GRID1: variants seen among roughly 807,000 people sequenced by gnomAD.
GRID1 encodes the protein glutamate ionotropic receptor delta type subunit 1, also known as glutamate receptor ionotropic, delta-1.
In GRID1, 28 loss-of-function variants were observed where a neutral mutation model predicts 98.0. That is an observed-to-expected ratio of 0.29 (90% CI 0.21 to 0.39). The LOEUF (loss-of-function observed/expected upper bound fraction) is 0.39, where lower values mean the gene tolerates loss of function less well. Among genes scored for constraint, GRID1 ranks in the 10% least tolerant of loss-of-function variants. The probability of loss-of-function intolerance (pLI) is 1.00; values close to 1 mark genes in which losing one functional copy is unlikely to be tolerated. For missense variants in GRID1, 1,111 were observed against 1,340.5 expected, an observed-to-expected ratio of 0.83 and a Z score of 2.67; for synonymous variants, 553 against 538.5, an observed-to-expected ratio of 1.03 and a Z score of -0.37.
At chr10:85,921,894 A>G (rs935631443) in intron 4 of GRID1, among the ~76,000 whole-genome samples, 1 of 152,198 alleles carries the variant, frequency 6.6e-6, no homozygotes, top group Non-Finnish European at 1.5e-5. Flanking sequence ...AGATACTTCA[A>G]TACAACATCT....
intron 3 of GRID1, among the ~76,000 whole-genome samples, chr10:86,175,662 G>A (rs1295556457): frequency 2.6e-5 from 4 of 152,146 alleles, no homozygotes; most frequent in Non-Finnish European, 5.9e-5. Flanking sequence ...GCACAGGGGA[G>A]TGTTTGGTAA....
chr10:85,932,985 CAT>C (rs1841877432), intron 4 of GRID1, among the ~76,000 whole-genome samples: 1 of 152,198 alleles, frequency 6.6e-6, no homozygotes, highest in Non-Finnish European at 1.5e-5. Flanking sequence ...CCCAAAAAAA[CAT>C]GTGTTAGAAA....
Position 85,727,866 on chromosome 10 carries a change from G to C in GRID1, c.1522C>G (p.Leu508Val), listed in dbSNP as rs1412301871. The stretch of plus-strand genomic sequence containing the variant: ...CTATGGGGACCTACCTTGCTGATGA[G>C]CTCCCCGATCATCCCGTTCCAGGAG... Reference protein sequence around the residue: ...NTSWNGMIGELISKRADLAIS... With the variant: ...NTSWNGMIGEVISKRADLAIS... Residue 508 changes from leucine to valine, a missense_variant, in exon 10 of 16, where the codon CTC (leucine) becomes GTC (valine). Coordinates refer to ENST00000327946, the MANE Select transcript of GRID1 (RefSeq NM_017551.3). The C allele has an allele frequency of 3.1e-6, 5 of 1,613,058 alleles. No individual in the cohort carries two copies. Among genetic ancestry groups the C allele is most frequent in the Non-Finnish European group, 4.2e-6 (5 of 1,179,440 alleles).
intron 2 of GRID1, among the ~76,000 whole-genome samples, chr10:86,313,432 C>T (rs182630257): frequency 6.6e-6 from 1 of 152,292 alleles, no homozygotes; most frequent in East Asian, 1.9e-4. Context: ...CCCAGTCCCT[C>T]TGGCCCTGTC....
chr10:85,993,331 G>A (rs1842704328), intron 4 of GRID1, among the ~76,000 whole-genome samples: 1 of 152,210 alleles, frequency 6.6e-6, no homozygotes, highest in South Asian at 2.1e-4. Context: ...GTGGGGAGCA[G>A]GCCTCTAATT....
chr10:85,865,904 C>CAT (rs1467791476), intron 6 of GRID1, among the ~76,000 whole-genome samples: 1 of 52,408 alleles, frequency 1.9e-5, no homozygotes, highest in African/African-American at 8.2e-5. Flanking sequence ...AAGTGTTTTA[C>CAT]ATATATACAT....
chr10:86,253,873 A>G (rs1846874254), intron 2 of GRID1, among the ~76,000 whole-genome samples: 1 of 152,094 alleles, frequency 6.6e-6, no homozygotes, highest in Admixed American at 6.6e-5. Flanking sequence ...CCTCACATCT[A>G]TGACAAAGCC....
intron 5 of GRID1, among the ~76,000 whole-genome samples, chr10:85,878,636 G>C (rs1463883782): frequency 6.6e-6 from 1 of 152,148 alleles, no homozygotes; most frequent in Non-Finnish European, 1.5e-5. Flanking sequence ...AACATGGAAA[G>C]GAACAACCGG....
intron 2 of GRID1, among the ~76,000 whole-genome samples, chr10:86,283,561 A>C (rs1847385917): frequency 6.6e-6 from 1 of 150,410 alleles, no homozygotes; most frequent in African/African-American, 2.5e-5. Flanking sequence ...TTACACACAC[A>C]TGCACACACA....
Position 85,727,982 on chromosome 10 carries a change from T to C in GRID1, c.1406A>G (p.Asp469Gly). Reference protein sequence around the residue: ...QPKRYKGFSIDVLDALAKALG... With the variant: ...QPKRYKGFSIGVLDALAKALG... ...AGCCTTGGCCAGTGCATCCAGGACA[T>C]CTATGGAGAACCCTTTGTAGCGCTT... Residue 469 changes from aspartate to glycine, a missense_variant, in exon 10 of 16, where the codon GAT becomes GGT. Physicochemically the swap from Asp to Gly is moderately conservative, Grantham distance 94. This residue lies in a region of GRID1 where 762 missense variants were observed against 869.1 expected (regional missense o/e 0.88). Transcript: ENST00000327946. The C allele has an allele frequency of 6.2e-7, 1 of 1,613,878 alleles. No homozygotes were observed. The highest frequency in any genetic ancestry group is 8.5e-7 in the Non-Finnish European group (1 of 1,179,754).
chr10:86,206,141 C>T lies in GRID1; in HGVS notation c.520+223G>A, dbSNP rs761650116. On this transcript the variant is annotated intron_variant, in intron 3 of 15. Transcript: ENST00000327946. This position sits in a 1 kb window ranked among gnomAD's most constrained non-coding sequence, Gnocchi z 4.1. The stretch of plus-strand genomic sequence containing the variant: ...CCTCTAAGATGATTCAAACTTCAGC[C>T]GTCATGATAAGGTGTTGTTGCTAGG... Among the ~76,000 whole-genome samples the T allele has an allele frequency of 4.6e-5, 7 of 152,270 alleles. No homozygotes were observed. Among genetic ancestry groups the T allele is most frequent in the Non-Finnish European group, 8.8e-5 (6 of 68,016 alleles).
intron 15 of GRID1, 24 bp from the exon 16 acceptor site, chr10:85,602,725 C>A: frequency 6.4e-7 from 1 of 1,572,022 alleles, no homozygotes. Flanking sequence ...ATAGGAAGGT[C>A]AGGTGGAGCC....
At chr10:86,337,687 C>A (rs1848243637) in intron 2 of GRID1, among the ~76,000 whole-genome samples, 1 of 148,920 alleles carries the variant, frequency 6.7e-6, no homozygotes, top group Non-Finnish European at 1.5e-5. Context: ...CCTTTCTCTT[C>A]CCTTTGGGAA....
chr10:86,040,535 A>G (rs1316773473), intron 4 of GRID1, among the ~76,000 whole-genome samples: 1 of 143,192 alleles, frequency 7.0e-6, no homozygotes, highest in East Asian at 2.0e-4. Flanking sequence ...AAAAAAGCCC[A>G]TCTCATAGAA....
chr10:86,222,868 C>G (rs562289804), intron 2 of GRID1, among the ~76,000 whole-genome samples: 39 of 152,264 alleles, frequency 2.6e-4, no homozygotes, highest in Admixed American at 1.2e-3. Flanking sequence ...GGGCCACAGT[C>G]AGGCAAGGGC....
chr10:85,676,532 A>C (rs1841147148), intron 12 of GRID1, among the ~76,000 whole-genome samples: 1 of 152,160 alleles, frequency 6.6e-6, no homozygotes, highest in Non-Finnish European at 1.5e-5. Context: ...TAGAGTCCTC[A>C]GCTTAAGTTC....
chr10:86,254,728 G>A (rs769589409), intron 2 of GRID1, among the ~76,000 whole-genome samples: 4 of 152,214 alleles, frequency 2.6e-5, no homozygotes, highest in African/African-American at 4.8e-5. Flanking sequence ...AAGCAGAGCC[G>A]CTGAAGCCTG....
chr10:85,830,112 C>T (rs1254147411), intron 8 of GRID1, among the ~76,000 whole-genome samples: 1 of 152,078 alleles, frequency 6.6e-6, no homozygotes, highest in African/African-American at 2.4e-5. Flanking sequence ...AAAAGAGACA[C>T]ATAGACCAAT....
At chr10:85,958,737 C>T (rs1371706374) in intron 4 of GRID1, among the ~76,000 whole-genome samples, 1 of 152,090 alleles carries the variant, frequency 6.6e-6, no homozygotes, top group African/African-American at 2.4e-5. Context: ...GCAGGCAGAT[C>T]ACCTGAGGTC....
Sources: gnomAD v4.1 joint callset for allele counts (sites outside exome capture counted in the v4.1 genomes callset) on GRCh38, gnomAD v4.1.1 for gene constraint, gnomAD v4.1.1 regional missense constraint, Gnocchi (gnomAD v3.1) non-coding constraint, MANE v1.5 for transcripts, NCBI Gene and HGNC (gene_info 2026-07-23, HGNC 2026-07-21) for gene names.